Variants in NRG3 observed in about 807,000 individuals in gnomAD.
NRG3 encodes the protein neuregulin 3, also known as pro-neuregulin-3, membrane-bound isoform.
Under a neutral mutation model 66.9 loss-of-function variants are expected in NRG3, and 31 were observed. The observed-to-expected ratio is 0.46, with a 90% CI of 0.35 to 0.63. The LOEUF is 0.63. NRG3 is among the 20% of genes least tolerant of loss of function. The pLI is 0.00. For synonymous variants in NRG3, 393 were observed against 359.4 expected, an observed-to-expected ratio of 1.09 and a Z score of -1.06; for missense variants, 910 against 878.9, an observed-to-expected ratio of 1.04 and a Z score of -0.45.
At chr10:82,787,094 C>T (rs1355422245) in intron 3 of NRG3, among the ~76,000 whole-genome samples, 1 of 152,216 alleles carries the variant, frequency 6.6e-6, no homozygotes, top group Non-Finnish European at 1.5e-5. Flanking sequence ...TCCCTCTAGA[C>T]ACATGCACAC....
intron 1 of NRG3, among the ~76,000 whole-genome samples, chr10:82,167,467 A>T (rs1447102172): frequency 6.6e-6 from 1 of 152,136 alleles, no homozygotes; most frequent in Non-Finnish European, 1.5e-5. Flanking sequence ...GGGCAGGGTG[A>T]TGGGAGTGTT....
intron 2 of NRG3, among the ~76,000 whole-genome samples, chr10:82,408,089 A>AAGAAAGAAAG (rs1255701953): frequency 3.6e-4 from 20 of 54,936 alleles, no homozygotes; most frequent in African/African-American, 1.5e-3. Context: ...GAGAGACAGA[A>AAGAAAGAAAG]AGAAAGAAAG....
At chr10:82,871,575 G>A (rs1055400102) in intron 4 of NRG3, among the ~76,000 whole-genome samples, 4 of 151,842 alleles carry the variant, frequency 2.6e-5, no homozygotes, top group South Asian at 2.1e-4. Context: ...TCACTTACTT[G>A]GGTTTTATTT....
chr10:82,446,932 A>G (rs1280451602), intron 2 of NRG3, among the ~76,000 whole-genome samples: 2 of 152,218 alleles, frequency 1.3e-5, no homozygotes, highest in African/African-American at 4.8e-5. Flanking sequence ...AGGAATCTAT[A>G]TACCTGCTCC....
intron 4 of NRG3, among the ~76,000 whole-genome samples, chr10:82,932,467 T>TGGTAAG: frequency 6.6e-6 from 1 of 152,332 alleles, no homozygotes; most frequent in African/African-American, 2.4e-5. Flanking sequence ...ATTTGGGCAT[T>TGGTAAG]GGTAAGGTAC....
intron 1 of NRG3, among the ~76,000 whole-genome samples, chr10:81,898,796 T>C (rs932436104): frequency 6.6e-6 from 1 of 152,190 alleles, no homozygotes; most frequent in African/African-American, 2.4e-5. Flanking sequence ...ATCATTTCTT[T>C]AAAATCAGAG....
At chr10:82,883,260 C>A (rs978567138) in intron 4 of NRG3, among the ~76,000 whole-genome samples, 1 of 96,664 alleles carries the variant, frequency 1.0e-5, no homozygotes, top group Non-Finnish European at 2.2e-5. Context: ...AACAATTGCC[C>A]AATCAAATTC....
intron 3 of NRG3, among the ~76,000 whole-genome samples, chr10:82,833,977 T>G (rs573631098): frequency 2.4e-4 from 36 of 152,336 alleles, no homozygotes; most frequent in African/African-American, 8.7e-4. Flanking sequence ...CCAATTACTT[T>G]GCCTGTTCCT....
chr10:82,097,369 T>TACACACACACACAC (rs60288660), intron 1 of NRG3, among the ~76,000 whole-genome samples: 28 of 141,030 alleles, frequency 2.0e-4, no homozygotes, highest in African/African-American at 6.2e-4. Flanking sequence ...TCCAGATGGT[T>TACACACACACACAC]ACACACACAC....
chr10:82,559,658 G>T (rs2044897578), intron 2 of NRG3, among the ~76,000 whole-genome samples: 1 of 152,136 alleles, frequency 6.6e-6, no homozygotes, highest in African/African-American at 2.4e-5. Flanking sequence ...ATATTTGTAT[G>T]GCAAAGTGCA....
intron 3 of NRG3, among the ~76,000 whole-genome samples, chr10:82,796,093 C>T (rs1292142637): frequency 6.6e-6 from 1 of 152,106 alleles, no homozygotes; most frequent in East Asian, 1.9e-4. Flanking sequence ...TCCCCACAAT[C>T]ATAATAAAAT....
chr10:82,816,919 G>T (rs2135544974), intron 3 of NRG3, among the ~76,000 whole-genome samples: 1 of 152,322 alleles, frequency 6.6e-6, no homozygotes, highest in Admixed American at 6.5e-5. Context: ...ATGCCTGAGA[G>T]TGTTCCACTT....
At chr10:82,741,419 A>G (rs2058418214) in intron 3 of NRG3, among the ~76,000 whole-genome samples, 1 of 152,200 alleles carries the variant, frequency 6.6e-6, no homozygotes, top group Admixed American at 6.5e-5. Flanking sequence ...CACTTGAGCA[A>G]TGGCAACAGT....
chr10:82,345,447 T>C (rs1195990708), intron 1 of NRG3, among the ~76,000 whole-genome samples: 1 of 151,948 alleles, frequency 6.6e-6, no homozygotes, highest in African/African-American at 2.4e-5. Flanking sequence ...ACCAGTACCA[T>C]GCTGTTTTGG....
intron 2 of NRG3, among the ~76,000 whole-genome samples, chr10:82,713,196 TA>T (rs2056781676): frequency 6.6e-6 from 1 of 151,296 alleles, no homozygotes; most frequent in Admixed American, 6.6e-5. Flanking sequence ...AGGACTACCT[TA>T]AAGGATCATC....
intron 1 of NRG3, among the ~76,000 whole-genome samples, chr10:82,304,230 A>AT (rs2080580977): frequency 6.6e-6 from 1 of 152,140 alleles, no homozygotes; most frequent in South Asian, 2.1e-4. Flanking sequence ...ATTTAAACTT[A>AT]TTTTTTCTTA....
intron 3 of NRG3, among the ~76,000 whole-genome samples, chr10:82,772,861 G>A (rs544266704): frequency 1.2e-4 from 18 of 151,738 alleles, no homozygotes; most frequent in Non-Finnish European, 1.8e-4. Context: ...ATGTGCCACC[G>A]TGACCAACTA....
chr10:82,933,166 A>G (rs1171146534), intron 4 of NRG3, among the ~76,000 whole-genome samples: 1 of 152,176 alleles, frequency 6.6e-6, no homozygotes, highest in African/African-American at 2.4e-5. Flanking sequence ...CAGTAGAGGC[A>G]TTTCTCTCCA....
intron 2 of NRG3, among the ~76,000 whole-genome samples, chr10:82,378,316 C>T (rs2085390456): frequency 6.6e-6 from 1 of 152,168 alleles, no homozygotes; most frequent in Admixed American, 6.5e-5. Flanking sequence ...ACTTGGAGTA[C>T]GTGTGATTTG....
Sources: allele counts gnomAD v4.1 joint callset (sites outside exome capture counted in the v4.1 genomes callset), GRCh38; gene constraint gnomAD v4.1.1; transcripts MANE v1.5; gene names NCBI Gene and HGNC (gene_info 2026-07-23, HGNC 2026-07-21).